The following EPB41L3 variants were observed in gnomAD, a reference collection of about 807,000 sequenced individuals.
EPB41L3 encodes the protein erythrocyte membrane protein band 4.1 like 3.
A neutral mutation model predicts 127.1 loss-of-function variants in EPB41L3; 57 were observed. The ratio of observed to expected loss-of-function variants is 0.45; its 90% confidence interval spans 0.36 to 0.56. The LOEUF (loss-of-function observed/expected upper bound fraction) is 0.56, where lower values mean the gene tolerates loss of function less well. Ranked by LOEUF, EPB41L3 falls within the 20% of genes least tolerant of loss-of-function variation. The probability of loss-of-function intolerance (pLI) is 0.00; values close to 1 mark genes in which losing one functional copy is unlikely to be tolerated. For missense variants in EPB41L3, 1,273 were observed against 1,372.2 expected (o/e 0.93, Z 1.14); for synonymous variants, 572 against 549.5 (o/e 1.04, Z -0.57).
At chr18:5,628,441 G>T (rs1387268458) in intron 1 of EPB41L3, among the ~76,000 whole-genome samples, 1 of 152,232 alleles carries the variant, frequency 6.6e-6, no homozygotes, top group Non-Finnish European at 1.5e-5. Flanking sequence ...CCAAGGGCGG[G>T]GGCAGCACCT....
chr18:5,524,427 T>G (rs139118481), intron 1 of EPB41L3, among the ~76,000 whole-genome samples: 4,271 of 152,262 alleles, frequency 0.028, 85 homozygotes, highest in Non-Finnish European at 0.042. Flanking sequence ...ACTCCTGACC[T>G]CAAATGATCC....
chr18:5,595,642 C>T (rs1345721910), intron 3 of EPB41L3, among the ~76,000 whole-genome samples: 1 of 152,154 alleles, frequency 6.6e-6, no homozygotes, highest in Non-Finnish European at 1.5e-5. Flanking sequence ...CATCCCACCC[C>T]AGCAGCTCAA....
At chr18:5,458,139 C>T (rs1464909149) in intron 3 of EPB41L3, among the ~76,000 whole-genome samples, 2 of 152,124 alleles carry the variant, frequency 1.3e-5, no homozygotes, top group Non-Finnish European at 2.9e-5. Flanking sequence ...TTGTTCATGA[C>T]CAATTTGTTT....
At chr18:5,539,049 A>AT (rs2093652688) in intron 1 of EPB41L3, among the ~76,000 whole-genome samples, 2 of 117,712 alleles carry the variant, frequency 1.7e-5, no homozygotes, top group Non-Finnish European at 3.4e-5. Context: ...AAATGGCCCC[A>AT]TTTTTTATAC....
Position 5,393,328 on chromosome 18 carries a change from G to A in EPB41L3, c.*157C>T. 2.0e-6 allele frequency: 1 copy of A among 511,960 alleles called. No individual in the cohort carries two copies. The highest frequency in any genetic ancestry group is 3.5e-6 in the Non-Finnish European group (1 of 288,922). 31.7% of individuals were successfully genotyped at this position (511,960 alleles called of 1,614,324 possible). A position where few individuals can be genotyped will look rare whatever the true frequency, so the allele number is the denominator to read the frequency against. ...TTATTATGGGAAGATCTCTCTGCCA[G>A]TGTCTTTATTAATGGTCAAGGTCAA... is the stretch of plus-strand genomic sequence containing the variant. On this transcript the variant is annotated 3_prime_UTR_variant, in exon 23 of 23. Coordinates refer to ENST00000341928, the MANE Select transcript of EPB41L3 (RefSeq NM_012307.5).
chr18:5,437,723 C>G (rs553219836), intron 6 of EPB41L3, among the ~76,000 whole-genome samples: 1 of 152,256 alleles, frequency 6.6e-6, no homozygotes, highest in East Asian at 1.9e-4. Context: ...AAACTAAGAG[C>G]TGCTATATCA....
intron 3 of EPB41L3, among the ~76,000 whole-genome samples, chr18:5,578,128 G>T (rs560479826): frequency 1.3e-5 from 2 of 152,238 alleles, no homozygotes; most frequent in African/African-American, 4.8e-5. Flanking sequence ...GTGGGACAGG[G>T]CCCAGAGAGA....
At chr18:5,503,855 G>A in intron 1 of EPB41L3, among the ~76,000 whole-genome samples, 1 of 152,146 alleles carries the variant, frequency 6.6e-6, no homozygotes, top group Non-Finnish European at 1.5e-5. Context: ...AGATCTTAAG[G>A]TTAATAAGAT....
intron 1 of EPB41L3, among the ~76,000 whole-genome samples, chr18:5,619,677 T>G (rs1329621339): frequency 6.6e-6 from 1 of 152,172 alleles, no homozygotes; most frequent in Non-Finnish European, 1.5e-5. Context: ...TTATGCCAAA[T>G]GGAGGTCAAG....
intron 1 of EPB41L3, among the ~76,000 whole-genome samples, chr18:5,492,840 T>A (rs1598288350): frequency 1.3e-5 from 2 of 152,250 alleles, no homozygotes; most frequent in East Asian, 3.9e-4. Flanking sequence ...GAGGAGTCCT[T>A]AATTTTTTTT....
At chr18:5,394,819 C>T (rs1567953732) in intron 21 of EPB41L3, 26 bp from the exon 22 acceptor site, 2 of 1,608,238 alleles carry the variant, frequency 1.2e-6, no homozygotes, top group South Asian at 1.1e-5. Context: ...CACAGAAGGG[C>T]AGAAACAAAA....
chr18:5,418,490 T>C (rs1377971774), intron 12 of EPB41L3, among the ~76,000 whole-genome samples: 1 of 151,990 alleles, frequency 6.6e-6, no homozygotes, highest in Non-Finnish European at 1.5e-5. Flanking sequence ...AAGAACCACA[T>C]ATTTGTTTTT....
Position 5,543,909 on chromosome 18 carries a change from T to C in EPB41L3, c.-12+4A>G. The C allele has an allele frequency of 1.0e-6, 1 of 983,196 alleles. No homozygotes were observed. The highest frequency in any genetic ancestry group is 1.8e-5 in the African/African-American group (1 of 56,334). 60.9% of individuals were successfully genotyped at this position (983,196 alleles called of 1,614,324 possible). On this transcript the variant is annotated splice_donor_region_variant and intron_variant, in intron 1 of 22. Transcript: ENST00000341928. The surrounding 1 kb of genome is among the most constrained non-coding windows in gnomAD (Gnocchi z 5.2). ...TCCCCCACTCCGAGAGGCGGAAAAG[T>C]TACCTGGGATCAGCAGGGAGCCCGG...
chr18:5,450,067 G>A (rs970545953), intron 3 of EPB41L3, among the ~76,000 whole-genome samples: 1 of 152,140 alleles, frequency 6.6e-6, no homozygotes, highest in African/African-American at 2.4e-5. Context: ...GAATGGGGAA[G>A]TGAGACTGCA....
rs558647568 is a variant in EPB41L3 at position 5,488,945 on chromosome 18, C to T, written c.183+56G>A. The T allele has an allele frequency of 6.2e-4, 942 of 1,513,112 alleles. 14 individuals are homozygous for T. The South Asian group carries it at 0.011, about 18-fold the overall frequency. 93.7% of individuals were successfully genotyped at this position (1,513,112 alleles called of 1,614,324 possible). A position where few individuals can be genotyped will look rare whatever the true frequency, so the allele number is the denominator to read the frequency against. On this transcript the variant is annotated intron_variant, in intron 2 of 22. Coordinates refer to ENST00000341928, the MANE Select transcript of EPB41L3 (RefSeq NM_012307.5). ...AGGGCTAAGAGACCAAGGTTAAAGCCGATCCTGGAGCAGCTCAGCAAACAC... is the reference window on the plus strand; with the variant it reads ...AGGGCTAAGAGACCAAGGTTAAAGCTGATCCTGGAGCAGCTCAGCAAACAC...
intron 3 of EPB41L3, among the ~76,000 whole-genome samples, chr18:5,555,490 T>C (rs1365854981): frequency 1.3e-5 from 2 of 152,118 alleles, no homozygotes; most frequent in East Asian, 3.9e-4. Flanking sequence ...AGCTGAAAAA[T>C]GTCCTAGCAC....
At chr18:5,514,737 A>G (rs2092684254) in intron 1 of EPB41L3, among the ~76,000 whole-genome samples, 1 of 152,194 alleles carries the variant, frequency 6.6e-6, no homozygotes, top group Non-Finnish European at 1.5e-5. Context: ...TGGATGCTGG[A>G]GGTTTAAAAA....
chr18:5,513,561 G>A (rs1371355448), intron 1 of EPB41L3, among the ~76,000 whole-genome samples: 1 of 152,144 alleles, frequency 6.6e-6, no homozygotes, highest in African/African-American at 2.4e-5. Context: ...GAGGGTAAGA[G>A]TCTATCTCCT....
In EPB41L3 at chr18:5,577,942, T is replaced by C. The variant is rs79308800; in HGVS notation, c.-306+34398A>G. On this transcript the variant is annotated intron_variant, in intron 3 of 21. Coordinates refer to the EPB41L3 transcript ENST00000545076. ...TCTCCCCTTGTACTTTCTTTCTTCA[T>C]ATTTCCTTCAAAGGAGTCTGAGCTC... Among the ~76,000 whole-genome samples the C allele has an allele frequency of 1.5e-3, 231 of 152,284 alleles. 3 individuals carry two copies. In the South Asian group the frequency reaches 0.031, roughly 21 times the overall value.
Sources: gnomAD v4.1 joint callset for allele counts (sites outside exome capture counted in the v4.1 genomes callset) on GRCh38, gnomAD v4.1.1 for gene constraint, Gnocchi (gnomAD v3.1) non-coding constraint, MANE v1.5 for transcripts, NCBI Gene and HGNC (gene_info 2026-07-23, HGNC 2026-07-21) for gene names.